Variants in OXNAD1 observed in about 807,000 individuals in gnomAD.
OXNAD1 encodes the protein oxidoreductase NAD binding domain containing 1.
OXNAD1 carries 34 observed loss-of-function variants against 32.9 expected under a neutral mutation model. That is an observed-to-expected ratio of 1.03 (90% CI 0.79 to 1.38). The LOEUF is 1.38. Among genes scored for constraint, OXNAD1 ranks in the 40% most tolerant of loss-of-function variants. The pLI, the probability that OXNAD1 is intolerant of heterozygous loss-of-function variation, is 0.00. For synonymous variants in OXNAD1, 134 were observed against 135.2 expected, an observed-to-expected ratio of 0.99 and a Z score of 0.06; for missense variants, 407 against 379.4, an observed-to-expected ratio of 1.07 and a Z score of -0.60.
rs1336377239 is a variant in OXNAD1, at chr3:16,312,227, T to C, written c.*30+8635T>C. ...AGGCTCATTGGGTCTTGTCCTTAGA[T>C]CTCATGTCCACACACTTCCCTGTTC... On this transcript the variant is annotated intron_variant, in intron 9 of 9. Coordinates refer to the OXNAD1 transcript ENST00000435829. This position sits in a 1 kb window ranked among gnomAD's most constrained non-coding sequence, Gnocchi z 4.7. Among the ~76,000 whole-genome samples, 1 of 152,114 alleles carries C rather than the reference T, an allele frequency of 6.6e-6. No homozygotes were observed. Among genetic ancestry groups the C allele is most frequent in the Admixed American group, 6.6e-5 (1 of 15,266 alleles).
rs946192287 is a variant in OXNAD1 at position 16,302,753 on chromosome 3, G to C, written c.784+5G>C. The C allele has an allele frequency of 1.9e-6, 3 of 1,593,338 alleles. No homozygotes were observed. Among genetic ancestry groups the C allele is most frequent in the Admixed American group, 3.3e-5 (2 of 59,754 alleles). ...AACTCAAGCCATACATCACGGGTGA[G>C]TCCCCTAAAGATATTTTGACTATCT... On this transcript the variant is annotated splice_donor_5th_base_variant and intron_variant, in intron 8 of 8. Coordinates refer to ENST00000285083, the MANE Select transcript of OXNAD1 (RefSeq NM_138381.5). This position sits in a 1 kb window ranked among gnomAD's most constrained non-coding sequence, Gnocchi z 4.2.
In OXNAD1 at chr3:16,316,703, A is replaced by G; in HGVS notation, c.*30+13111A>G. ...GGAGGGCTCAGGTGAGCTCACAAGG[A>G]GAGGTCAAGCCAAGCCAAAGGGTAG... On this transcript the variant is annotated intron_variant, in intron 9 of 9. Transcript: ENST00000435829. This position sits in a 1 kb window ranked among gnomAD's most constrained non-coding sequence, Gnocchi z 4.5. 1 of 1,125,946 alleles carries G rather than the reference A, an allele frequency of 8.9e-7. No homozygotes were observed. The highest frequency in any genetic ancestry group is 1.3e-6 in the Non-Finnish European group (1 of 761,750). 69.7% of individuals were successfully genotyped at this position (1,125,946 alleles called of 1,614,324 possible). A position where few individuals can be genotyped will look rare whatever the true frequency, so the allele number is the denominator to read the frequency against.
chr3:16,316,761 A>G lies in OXNAD1; in HGVS notation c.*30+13169A>G. The G allele has an allele frequency of 6.3e-7, 1 of 1,595,248 alleles. No individual in the cohort carries two copies. Among genetic ancestry groups the G allele is most frequent in the Non-Finnish European group, 8.6e-7 (1 of 1,165,700 alleles). On this transcript the variant is annotated intron_variant, in intron 9 of 9. Coordinates refer to the OXNAD1 transcript ENST00000435829. This position sits in a 1 kb window ranked among gnomAD's most constrained non-coding sequence, Gnocchi z 4.5. ...ACAACACCAGGGAAACCAGCCCCCA[A>G]ACCAGCTGTTGGTAAGATGCCTTGG...
rs7644052 is a variant in OXNAD1, at chr3:16,303,328, C to A, written c.785-80C>A. Reference sequence around the variant, plus strand: ...CTGAACTTGGAAATAAACACTGTATCTGAATTGTGGTTAGTCCTTCCTCAT... The same window carrying A: ...CTGAACTTGGAAATAAACACTGTATATGAATTGTGGTTAGTCCTTCCTCAT... On this transcript the variant is annotated intron_variant, in intron 8 of 8. Coordinates refer to ENST00000285083, the MANE Select transcript of OXNAD1 (RefSeq NM_138381.5). The surrounding 1 kb of genome is among the most constrained non-coding windows in gnomAD (Gnocchi z 4.8). The A allele has an allele frequency of 0.037, 54,890 of 1,481,018 alleles. 1,194 individuals carry two copies. The highest frequency in any genetic ancestry group is 0.097 in the Middle Eastern group (517 of 5,350). 91.7% of individuals were successfully genotyped at this position (1,481,018 alleles called of 1,614,324 possible). A position where few individuals can be genotyped will look rare whatever the true frequency, so the allele number is the denominator to read the frequency against.
At chr3:16,330,301 T>G (rs796987624) in intron 9 of OXNAD1, among the ~76,000 whole-genome samples, 10 of 152,378 alleles carry the variant, frequency 6.6e-5, no homozygotes, top group African/African-American at 2.2e-4. Context: ...TAATTAATGT[T>G]AAATGTGATT....
rs916099869 is a variant in OXNAD1 at position 16,303,812 on chromosome 3, C to G, written c.*250C>G. 1 of 316,294 alleles carries G rather than the reference C, an allele frequency of 3.2e-6. No homozygotes were observed. The highest frequency in any genetic ancestry group is 5.8e-6 in the Non-Finnish European group (1 of 171,708). 19.6% of individuals were successfully genotyped at this position (316,294 alleles called of 1,614,324 possible). On this transcript the variant is annotated 3_prime_UTR_variant, in exon 9 of 9. Transcript: ENST00000285083. The surrounding 1 kb of genome is among the most constrained non-coding windows in gnomAD (Gnocchi z 4.8). ...GTTATTAACAACGATTTAATTGTCT[C>G]ATGATGTACCATGATTGGTCAGTAT...
intron 9 of OXNAD1, among the ~76,000 whole-genome samples, chr3:16,315,218 C>T (rs1223725255): frequency 1.3e-5 from 2 of 152,180 alleles, no homozygotes; most frequent in African/African-American, 4.8e-5. Flanking sequence ...CAGGTTCAAG[C>T]AATTCTCCTG....
Position 16,269,389 on chromosome 3 carries a change from T to A in OXNAD1, c.-9+114T>A, listed in dbSNP as rs1022448877. The A allele has an allele frequency of 4.4e-6, 5 of 1,140,166 alleles. No individual in the cohort carries two copies. The East Asian group carries it at 1.3e-4, about 30-fold the overall frequency. 70.6% of individuals were successfully genotyped at this position (1,140,166 alleles called of 1,614,324 possible). A position where few individuals can be genotyped will look rare whatever the true frequency, so the allele number is the denominator to read the frequency against. On this transcript the variant is annotated intron_variant, in intron 2 of 8. Transcript: ENST00000285083. ...AATGAGGTTGAAGAGGCCTTCTGCT[T>A]TTTTCATTTAGTAAAGAGAAAAATA...
In OXNAD1 at chr3:16,282,290, C is replaced by T. The variant is rs530657186; in HGVS notation, c.184-4052C>T. Among the ~76,000 whole-genome samples the T allele has an allele frequency of 1.3e-4, 19 of 151,668 alleles. No homozygotes were observed. In the South Asian group the frequency reaches 3.8e-3, roughly 30 times the overall value. Reference sequence around the variant, plus strand: ...ACCAGTTCTACTAAATAAATGTCTGCTCTCCCTGAACTCTCCCATACTTTT... The same window carrying T: ...ACCAGTTCTACTAAATAAATGTCTGTTCTCCCTGAACTCTCCCATACTTTT... On this transcript the variant is annotated intron_variant, in intron 4 of 8. Coordinates refer to ENST00000285083, the MANE Select transcript of OXNAD1 (RefSeq NM_138381.5).
intron 9 of OXNAD1, among the ~76,000 whole-genome samples, chr3:16,328,110 C>CT (rs1415842028): frequency 2.0e-5 from 3 of 152,240 alleles, no homozygotes; most frequent in Non-Finnish European, 2.9e-5. Flanking sequence ...AGTTCACAGG[C>CT]TAGCAGGGGC....
chr3:16,323,799 GTC>G (rs921315272), intron 9 of OXNAD1, among the ~76,000 whole-genome samples: 1 of 152,328 alleles, frequency 6.6e-6, no homozygotes, highest in South Asian at 2.1e-4. Flanking sequence ...TTCCAAATCT[GTC>G]TCTGGTAATG....
Position 16,269,157 on chromosome 3 carries a change from G to T in OXNAD1, c.-127G>T, listed in dbSNP as rs2064759775. ...TGTGAGAATTTTAATGCATGGAAAA[G>T]CTGTCCATGTTCCAACTGCTGTACA... On this transcript the variant is annotated 5_prime_UTR_variant, in exon 2 of 9. Coordinates refer to ENST00000285083, the MANE Select transcript of OXNAD1 (RefSeq NM_138381.5). 1 of 1,500,848 alleles carries T rather than the reference G, an allele frequency of 6.7e-7. No individual in the cohort carries two copies. The highest frequency in any genetic ancestry group is 1.4e-5 in the African/African-American group (1 of 70,962). The allele number at this position is 1,500,848 out of a possible 1,614,324, so 93.0% of individuals were successfully genotyped here. A position where few individuals can be genotyped will look rare whatever the true frequency, so the allele number is the denominator to read the frequency against.
rs1157841201 is a variant in OXNAD1, at chr3:16,289,743, CT to C, written c.290+3296del. 6.6e-6 allele frequency among the ~76,000 whole-genome samples: 1 copy of C among 152,194 alleles called. No individual in the cohort carries two copies. Among genetic ancestry groups the C allele is most frequent in the Non-Finnish European group, 1.5e-5 (1 of 68,028 alleles). ...GGTAAGCATTGTGTGTCTTTTAAGA[CT>C]GTTTAAAGGGCATCTCTTCTGTGAA... On this transcript the variant is annotated intron_variant, in intron 5 of 8. Coordinates refer to ENST00000285083, the MANE Select transcript of OXNAD1 (RefSeq NM_138381.5). This position sits in a 1 kb window ranked among gnomAD's most constrained non-coding sequence, Gnocchi z 4.9.
downstream of OXNAD1, among the ~76,000 whole-genome samples, chr3:16,309,289 G>A (rs1255008897): frequency 1.3e-5 from 2 of 152,132 alleles, no homozygotes; most frequent in African/African-American, 4.8e-5. Context: ...ACATACTCCT[G>A]TAGAATTACT....
intron 1 of OXNAD1, among the ~76,000 whole-genome samples, chr3:16,266,602 CAAAAAAAAAAAA>C (rs77883979): frequency 0.064 from 4,656 of 73,318 alleles, 134 homozygotes; most frequent in Middle Eastern, 0.17. Context: ...GACGCTGTCT[CAAAAAAAAAAAA>C]AAAAAAAAAA....
In OXNAD1 at chr3:16,291,735, C is replaced by T. The variant is rs1210177235; in HGVS notation, c.291-3121C>T. 2.6e-5 allele frequency among the ~76,000 whole-genome samples: 4 copies of T among 152,218 alleles called. No individual in the cohort carries two copies. The East Asian group carries it at 7.7e-4, about 29-fold the overall frequency. On this transcript the variant is annotated intron_variant, in intron 5 of 8. Transcript: ENST00000285083. ...AAGTTTTTGAGTGAACATACAGTTT[C>T]ACCTGTCTTAGGTCTAAACCTAGGC...
Position 16,312,231 on chromosome 3 carries a change from A to G in OXNAD1, c.*30+8639A>G, listed in dbSNP as rs1212777626. On this transcript the variant is annotated intron_variant, in intron 9 of 9. Transcript: ENST00000435829. This position sits in a 1 kb window ranked among gnomAD's most constrained non-coding sequence, Gnocchi z 4.7. ...TCATTGGGTCTTGTCCTTAGATCTC[A>G]TGTCCACACACTTCCCTGTTCAAAA... Among the ~76,000 whole-genome samples, 3 of 152,142 alleles carry G rather than the reference A, an allele frequency of 2.0e-5. No homozygotes were observed. Among genetic ancestry groups the G allele is most frequent in the Non-Finnish European group, 2.9e-5 (2 of 68,024 alleles).
At chr3:16,311,012 AAAT>A (rs1264393271), downstream of OXNAD1, among the ~76,000 whole-genome samples, 1 of 98,522 alleles carries the variant, frequency 1.0e-5, no homozygotes, top group Non-Finnish European at 2.0e-5. Flanking sequence ...AAAAAAAAAA[AAAT>A]CATCTGGGAG....
At chr3:16,306,320 G>T (rs2067557364), downstream of OXNAD1, among the ~76,000 whole-genome samples, 1 of 152,142 alleles carries the variant, frequency 6.6e-6, no homozygotes. Flanking sequence ...CTTTGTGGGG[G>T]TGTTCTTCTT....
Sources: gnomAD v4.1 joint callset for allele counts (sites outside exome capture counted in the v4.1 genomes callset) on GRCh38, gnomAD v4.1.1 for gene constraint, Gnocchi (gnomAD v3.1) non-coding constraint, MANE v1.5 for transcripts, NCBI Gene and HGNC (gene_info 2026-07-23, HGNC 2026-07-21) for gene names.